The following NEO1 variants were observed in gnomAD, a reference collection of about 807,000 sequenced individuals.
The protein encoded by NEO1 is neogenin 1.
In NEO1, 63 loss-of-function variants were observed where a neutral mutation model predicts 159.7. The ratio of observed to expected loss-of-function variants is 0.39; its 90% CI spans 0.32 to 0.49. The LOEUF (loss-of-function observed/expected upper bound fraction) is 0.49. Ranked by LOEUF, NEO1 falls within the 20% of genes least tolerant of loss-of-function variation. The pLI is 0.85. For missense variants in NEO1, 1,615 were observed against 1,831.0 expected (o/e 0.88, Z 2.15); for synonymous variants, 633 against 662.0 (o/e 0.96, Z 0.67).
At chr15:73,074,515 C>G (rs142411234) in intron 1 of NEO1, among the ~76,000 whole-genome samples, 1 of 152,074 alleles carries the variant, frequency 6.6e-6, no homozygotes, top group South Asian at 2.1e-4. Flanking sequence ...GTGACTCATA[C>G]GGAGCTGTTA....
intron 5 of NEO1, among the ~76,000 whole-genome samples, chr15:73,151,154 T>C (rs895829441): frequency 2.0e-5 from 3 of 152,200 alleles, no homozygotes; most frequent in African/African-American, 7.2e-5. Flanking sequence ...GGTAGGTGTA[T>C]AGTAGCATTT....
intron 8 of NEO1, among the ~76,000 whole-genome samples, chr15:73,239,827 A>G (rs542442409): frequency 2.0e-5 from 3 of 152,206 alleles, no homozygotes; most frequent in Non-Finnish European, 4.4e-5. Flanking sequence ...GTATACCCGT[A>G]AGTATGGTGG....
intron 5 of NEO1, chr15:73,162,924 C>G (rs2034293853): frequency 5.5e-6 from 1 of 183,472 alleles, no homozygotes; most frequent in African/African-American, 2.3e-5. Context: ...TCCATTGAAT[C>G]TTCCATGGGG....
intron 22 of NEO1, among the ~76,000 whole-genome samples, chr15:73,281,415 G>C (rs925131381): frequency 2.6e-5 from 4 of 151,462 alleles, no homozygotes; most frequent in African/African-American, 9.7e-5. Context: ...CACCATGCCC[G>C]GCTAATTTTT....
In NEO1 at chr15:73,122,648, C is replaced by G; in HGVS notation, c.572C>G (p.Pro191Arg). Reference sequence around the variant, plus strand: ...GTGAGGTGGGAACAGAACAGACAACCCCTTCTTCTGGATGATAGAGTTATC... The same window carrying G: ...GTGAGGTGGGAACAGAACAGACAACGCCTTCTTCTGGATGATAGAGTTATC... ...PFVRWEQNRQPLLLDDRVIKL... is the reference protein window; with the variant it reads ...PFVRWEQNRQRLLLDDRVIKL... Residue 191 changes from proline (P) to arginine (R), a missense_variant, in exon 3 of 29, where the codon CCC becomes CGC. This residue lies in a region of NEO1 where 1,018 missense variants were observed against 1,115.4 expected (regional missense o/e 0.91). Transcript: ENST00000261908. The G allele has an allele frequency of 1.2e-6, 2 of 1,614,092 alleles. No homozygotes were observed. Among genetic ancestry groups the G allele is most frequent in the Non-Finnish European group, 1.7e-6 (2 of 1,180,014 alleles).
chr15:73,167,096 A>G (rs1466368696), intron 5 of NEO1, among the ~76,000 whole-genome samples: 1 of 135,888 alleles, frequency 7.4e-6, no homozygotes, highest in Non-Finnish European at 1.5e-5. Flanking sequence ...GGACACAGGA[A>G]GGGGAACATC....
At chr15:73,183,832 CT>C (rs2035761250) in intron 7 of NEO1, among the ~76,000 whole-genome samples, 1 of 152,162 alleles carries the variant, frequency 6.6e-6, no homozygotes, top group African/African-American at 2.4e-5. Flanking sequence ...AATTTGAAAC[CT>C]ATAGTATACT....
intron 1 of NEO1, among the ~76,000 whole-genome samples, chr15:73,101,686 G>A (rs1362685851): frequency 6.6e-6 from 1 of 152,142 alleles, no homozygotes; most frequent in African/African-American, 2.4e-5. Flanking sequence ...TGTCTGAAAA[G>A]CATTGTCTCA....
intron 1 of NEO1, among the ~76,000 whole-genome samples, chr15:73,115,851 A>G (rs1596031331): frequency 2.0e-5 from 3 of 152,350 alleles, no homozygotes; most frequent in African/African-American, 7.2e-5. Context: ...TTTACACTAA[A>G]ATGAATTCTA....
chr15:73,238,115 G>A (rs544366757), intron 8 of NEO1, among the ~76,000 whole-genome samples: 48 of 152,174 alleles, frequency 3.2e-4, no homozygotes, highest in African/African-American at 1.2e-3. Context: ...ACATGACTTG[G>A]CAGCTTGAAA....
chr15:73,109,772 A>C (rs1284658338), intron 1 of NEO1, among the ~76,000 whole-genome samples: 1 of 152,154 alleles, frequency 6.6e-6, no homozygotes, highest in African/African-American at 2.4e-5. Context: ...TGAAGTTTTA[A>C]AAGCATATAT....
intron 5 of NEO1, among the ~76,000 whole-genome samples, chr15:73,140,697 A>G (rs1345270111): frequency 6.6e-6 from 1 of 152,202 alleles, no homozygotes; most frequent in Admixed American, 6.5e-5. Flanking sequence ...AATAATTCAA[A>G]TCTCCATCAA....
intron 7 of NEO1, among the ~76,000 whole-genome samples, chr15:73,204,254 T>C (rs1023824527): frequency 2.6e-5 from 4 of 152,120 alleles, no homozygotes; most frequent in African/African-American, 9.6e-5. Context: ...AGATTTTCGC[T>C]TTGTCTTTGG....
intron 5 of NEO1, among the ~76,000 whole-genome samples, chr15:73,173,228 C>T (rs947835869): frequency 1.2e-4 from 18 of 152,164 alleles, no homozygotes; most frequent in Admixed American, 2.6e-4. Context: ...ACAAACTTAA[C>T]ATAAGATGAG....
At chr15:73,201,695 A>G (rs62017774) in intron 7 of NEO1, among the ~76,000 whole-genome samples, 48,804 of 151,890 alleles carry the variant, frequency 0.32, 9,058 homozygotes, top group Admixed American at 0.45. Flanking sequence ...AATTTTGCCT[A>G]TCCTCTTGCA....
chr15:73,091,738 CT>C (rs11320847), intron 1 of NEO1, among the ~76,000 whole-genome samples: 52,634 of 127,110 alleles, frequency 0.41, 9,626 homozygotes, highest in Middle Eastern at 0.52. Context: ...TAATTTTACA[CT>C]TTTTTTTTTT....
intron 8 of NEO1, among the ~76,000 whole-genome samples, chr15:73,240,561 A>C (rs2039442217): frequency 1.3e-5 from 2 of 152,240 alleles, no homozygotes; most frequent in African/African-American, 4.8e-5. Flanking sequence ...TAATCAGATA[A>C]GAAGGGACCA....
intron 5 of NEO1, among the ~76,000 whole-genome samples, chr15:73,142,114 A>G (rs956475920): frequency 2.0e-5 from 3 of 152,154 alleles, no homozygotes; most frequent in African/African-American, 7.2e-5. Flanking sequence ...AAGAGCCAGC[A>G]TAAAGCACTT....
Position 73,304,679 on chromosome 15 carries a change from G to A in NEO1, c.*1983G>A, listed in dbSNP as rs76478205. The A allele has an allele frequency of 2.0e-5, 3 of 152,068 alleles. No homozygotes were observed. The highest frequency in any genetic ancestry group is 2.9e-5 in the Non-Finnish European group (2 of 68,042). 9.4% of individuals were successfully genotyped at this position (152,068 alleles called of 1,614,324 possible). ...GTCCCAGCACTCTGGCCACCAGGAGGGCCAGATTCCCCAGAAACTACCTTT... is the reference window on the plus strand; with the variant it reads ...GTCCCAGCACTCTGGCCACCAGGAGAGCCAGATTCCCCAGAAACTACCTTT... On this transcript the variant is annotated 3_prime_UTR_variant, in exon 29 of 29. Coordinates refer to ENST00000261908, the MANE Select transcript of NEO1 (RefSeq NM_002499.4).
Sources: allele counts gnomAD v4.1 joint callset (sites outside exome capture counted in the v4.1 genomes callset), GRCh38; gene constraint gnomAD v4.1.1; regional missense constraint gnomAD v4.1.1; transcripts MANE v1.5; gene names NCBI Gene and HGNC (gene_info 2026-07-23, HGNC 2026-07-21).